WHRN: variants seen among roughly 807,000 people sequenced by gnomAD.
The protein encoded by WHRN is whirlin.
WHRN carries 41 observed loss-of-function variants against 68.3 expected under a neutral mutation model. The ratio of observed to expected loss-of-function variants is 0.60; its 90% CI spans 0.47 to 0.78. The LOEUF is 0.78. WHRN is among the 30% of genes least tolerant of loss of function. The probability of loss-of-function intolerance (pLI) is 0.00; values close to 1 mark genes in which losing one functional copy is unlikely to be tolerated. For missense variants in WHRN, 1,243 were observed against 1,244.7 expected (o/e 1.00, Z 0.02); for synonymous variants, 560 against 561.3 (o/e 1.00, Z 0.03).
intron 3 of WHRN, among the ~76,000 whole-genome samples, chr9:114,445,039 T>C (rs1005891285): frequency 5.3e-5 from 8 of 150,976 alleles, no homozygotes; most frequent in African/African-American, 1.9e-4. Flanking sequence ...TTTTTAATGT[T>C]ATTATTATTA....
At chr9:114,444,809 T>C (rs1456782624) in intron 3 of WHRN, among the ~76,000 whole-genome samples, 1 of 151,702 alleles carries the variant, frequency 6.6e-6, no homozygotes, top group African/African-American at 2.4e-5. Context: ...TATATATATA[T>C]GCACACCTCT....
At chr9:114,426,059 T>C in intron 4 of WHRN, 152 bp downstream of exon 4, 1 of 915,588 alleles carries the variant, frequency 1.1e-6, no homozygotes, top group Non-Finnish European at 1.7e-6. Flanking sequence ...GAGAGGGATG[T>C]GCCCAGGTCA....
chr9:114,420,947 T>A (rs893256074), intron 7 of WHRN, among the ~76,000 whole-genome samples: 9 of 151,888 alleles, frequency 5.9e-5, no homozygotes, highest in African/African-American at 2.2e-4. Context: ...ACGCTGCCTT[T>A]CCTGCTTGCA....
At chr9:114,485,835 CA>C (rs201401674) in intron 1 of WHRN, among the ~76,000 whole-genome samples, 33 of 151,550 alleles carry the variant, frequency 2.2e-4, no homozygotes, top group Non-Finnish European at 1.3e-4. Context: ...TGAGACGCCA[CA>C]AAAAAAATTT....
At chr9:114,475,388 G>C (rs558878620) in intron 2 of WHRN, among the ~76,000 whole-genome samples, 1 of 152,178 alleles carries the variant, frequency 6.6e-6, no homozygotes. Flanking sequence ...AGTGATTTAA[G>C]AGCAGCCACG....
At position 114,504,888 on chromosome 9, in the gene WHRN, C is replaced by G. The variant is rs941430362; in HGVS notation, c.-87G>C. On this transcript the variant is annotated 5_prime_UTR_variant, in exon 1 of 12. Transcript: ENST00000362057. ...GCGGGTACTGGCGCGACAGCTGGAT[C>G]CCCGGGAGCGCGGAGACGACGGCTG... is the stretch of plus-strand genomic sequence containing the variant. 116 of 1,328,772 alleles carry G rather than the reference C, an allele frequency of 8.7e-5. No homozygotes were observed. Among genetic ancestry groups the G allele is most frequent in the Non-Finnish European group, 1.1e-4 (113 of 1,048,246 alleles). 82.3% of individuals were successfully genotyped at this position (1,328,772 alleles called of 1,614,324 possible). A position where few individuals can be genotyped will look rare whatever the true frequency, so the allele number is the denominator to read the frequency against.
intron 3 of WHRN, among the ~76,000 whole-genome samples, chr9:114,459,951 G>A (rs1840111281): frequency 6.6e-6 from 1 of 152,216 alleles, no homozygotes; most frequent in African/African-American, 2.4e-5. Context: ...ATAGCCACAA[G>A]CATAGTAGTG....
chr9:114,489,828 C>A (rs1842836201), intron 1 of WHRN, among the ~76,000 whole-genome samples: 1 of 152,202 alleles, frequency 6.6e-6, no homozygotes, highest in Non-Finnish European at 1.5e-5. Context: ...CTTGGGCAAT[C>A]ATTCTGCTTT....
intron 1 of WHRN, among the ~76,000 whole-genome samples, chr9:114,502,890 G>T (rs957671510): frequency 6.6e-6 from 1 of 152,224 alleles, no homozygotes; most frequent in Non-Finnish European, 1.5e-5. Context: ...AAAGGGAAAA[G>T]ATTGATAGAG....
intron 2 of WHRN, among the ~76,000 whole-genome samples, chr9:114,475,172 A>G (rs1196819309): frequency 6.6e-6 from 1 of 152,208 alleles, no homozygotes; most frequent in Non-Finnish European, 1.5e-5. Context: ...AAAAATTAAA[A>G]GTAAGCAGAA....
intron 1 of WHRN, among the ~76,000 whole-genome samples, chr9:114,488,638 C>G (rs1842728663): frequency 6.6e-6 from 1 of 152,202 alleles, no homozygotes; most frequent in Non-Finnish European, 1.5e-5. Flanking sequence ...GGTGCTGTGT[C>G]CAGCCACATG....
intron 2 of WHRN, among the ~76,000 whole-genome samples, chr9:114,473,032 C>A (rs1277982190): frequency 6.6e-6 from 1 of 152,222 alleles, no homozygotes; most frequent in African/African-American, 2.4e-5. Context: ...AGGCTTGTAG[C>A]AGCCTGAGCC....
intron 1 of WHRN, 128 bp downstream of exon 1, chr9:114,504,056 T>C (rs1198256395): frequency 2.6e-6 from 3 of 1,170,194 alleles, no homozygotes; most frequent in African/African-American, 3.0e-5. Context: ...TTTTAAAGTA[T>C]TAAAAAAAAA....
chr9:114,439,962 C>A (rs1838224624), intron 3 of WHRN, among the ~76,000 whole-genome samples: 1 of 152,082 alleles, frequency 6.6e-6, no homozygotes. Context: ...GCCCAGGCTC[C>A]AGTGCAGTGG....
At chr9:114,428,489 T>C (rs1020909866) in intron 3 of WHRN, among the ~76,000 whole-genome samples, 6 of 152,196 alleles carry the variant, frequency 3.9e-5, no homozygotes, top group Non-Finnish European at 8.8e-5. Flanking sequence ...GTAAGTATCA[T>C]AGCTCTCCAT....
intron 3 of WHRN, among the ~76,000 whole-genome samples, chr9:114,449,348 G>A (rs1839107715): frequency 6.6e-6 from 1 of 152,174 alleles, no homozygotes; most frequent in Non-Finnish European, 1.5e-5. Context: ...GCCTCTCTCT[G>A]GTGGACAGAA....
At chr9:114,439,540 T>A (rs934226707) in intron 3 of WHRN, among the ~76,000 whole-genome samples, 8 of 152,224 alleles carry the variant, frequency 5.3e-5, no homozygotes, top group Non-Finnish European at 1.2e-4. Flanking sequence ...CATGTAATGT[T>A]GGCCTAGAAG....
intron 3 of WHRN, among the ~76,000 whole-genome samples, chr9:114,445,333 C>T (rs1273583172): frequency 6.6e-6 from 1 of 152,186 alleles, no homozygotes; most frequent in Non-Finnish European, 1.5e-5. Context: ...TAAGCCACCA[C>T]ACCTGGGCTC....
rs111033438 is a variant in WHRN, at chr9:114,423,362, A to G, written c.1578T>C (p.Gly526=). The change falls in exon 7 of 12, where the codon GGT becomes GGC. Residue 526 remains glycine, a synonymous_variant. Coordinates refer to ENST00000362057, the MANE Select transcript of WHRN (RefSeq NM_015404.4). The stretch of plus-strand genomic sequence containing the variant: ...AGGTGCCGTGGCTGCCTGTGGATGA[A>G]CCCGTGTCACTGTAGGAGACCATGG... The part of the protein sequence containing the change: ...TYSMVSYSDT[G]SSTGSHGTST... The G allele has an allele frequency of 2.5e-6, 4 of 1,613,652 alleles. No homozygotes were observed. The highest frequency in any genetic ancestry group is 3.4e-6 in the Non-Finnish European group (4 of 1,179,846).
Sources: allele counts gnomAD v4.1 joint callset (sites outside exome capture counted in the v4.1 genomes callset), GRCh38; gene constraint gnomAD v4.1.1; transcripts MANE v1.5; gene names NCBI Gene and HGNC (gene_info 2026-07-23, HGNC 2026-07-21).